CPS1: variants seen among roughly 807,000 people sequenced by gnomAD.
The protein encoded by CPS1 is carbamoyl-phosphate synthase [ammonia], mitochondrial.
In CPS1, 109 loss-of-function variants were observed where a neutral mutation model predicts 174.6. That is an observed-to-expected ratio of 0.62 (90% CI 0.53 to 0.73). The LOEUF is 0.73. CPS1 is among the 30% of genes least tolerant of loss of function. The pLI, the probability that CPS1 is intolerant of heterozygous loss-of-function variation, is 0.00. For missense variants in CPS1, 1,689 were observed against 1,821.9 expected (o/e 0.93, Z 1.33); for synonymous variants, 637 against 632.0 (o/e 1.01, Z -0.12).
intron 1 of CPS1, among the ~76,000 whole-genome samples, chr2:210,571,605 A>G (rs999791987): frequency 2.4e-4 from 37 of 152,102 alleles, no homozygotes; most frequent in African/African-American, 8.2e-4. Context: ...ACGTCGGAAT[A>G]TAGTATATTG....
chr2:210,551,828 C>T (rs780461461), upstream of CPS1, among the ~76,000 whole-genome samples: 2 of 151,858 alleles, frequency 1.3e-5, no homozygotes, highest in African/African-American at 2.4e-5. Flanking sequence ...TAGTTTGAAC[C>T]CTCATCATCT....
At chr2:210,482,378 C>T (rs985854341) in intron 1 of CPS1, among the ~76,000 whole-genome samples, 2 of 151,480 alleles carry the variant, frequency 1.3e-5, no homozygotes, top group African/African-American at 4.9e-5. Context: ...GCGATCTCGG[C>T]TCACTCAGCT....
At chr2:210,559,845 A>C (rs1697041477) in intron 1 of CPS1, among the ~76,000 whole-genome samples, 1 of 152,182 alleles carries the variant, frequency 6.6e-6, no homozygotes, top group African/African-American at 2.4e-5. Flanking sequence ...TGTGATTGTC[A>C]CACATGAACA....
intron 11 of CPS1, among the ~76,000 whole-genome samples, chr2:210,594,106 T>C (rs1698399536): frequency 6.6e-6 from 1 of 151,872 alleles, no homozygotes; most frequent in Non-Finnish European, 1.5e-5. Context: ...GAAACTGTTT[T>C]TTAGAGCCGA....
intron 34 of CPS1, 143 bp downstream of exon 34, chr2:210,668,427 T>G (rs1701178511): frequency 1.4e-6 from 1 of 715,900 alleles, no homozygotes; most frequent in South Asian, 1.5e-5. Context: ...GAAGGGACAT[T>G]TGTTCTCTAT....
At chr2:210,525,805 T>TGG (rs990548565) in intron 1 of CPS1, among the ~76,000 whole-genome samples, 8 of 102,504 alleles carry the variant, frequency 7.8e-5, no homozygotes, top group African/African-American at 2.8e-4. Context: ...CAAAGTAAAA[T>TGG]GGAGAGAGAG....
At chr2:210,524,036 A>G (rs893649050) in intron 1 of CPS1, among the ~76,000 whole-genome samples, 2 of 152,050 alleles carry the variant, frequency 1.3e-5, no homozygotes, top group African/African-American at 4.8e-5. Flanking sequence ...TATTAATAAA[A>G]CAGCATATGC....
At chr2:210,624,141 T>G (rs1699624575) in intron 21 of CPS1, among the ~76,000 whole-genome samples, 2 of 152,148 alleles carry the variant, frequency 1.3e-5, no homozygotes, top group South Asian at 4.1e-4. Context: ...TGGAGATGAT[T>G]GAACACTTTA....
intron 1 of CPS1, chr2:210,519,906 G>A: frequency 2.3e-6 from 1 of 442,776 alleles, no homozygotes; most frequent in Non-Finnish European, 3.0e-6. Context: ...GTGCTCAGAG[G>A]CAGCTGTGGT....
intron 36 of CPS1, among the ~76,000 whole-genome samples, chr2:210,676,409 T>C (rs961559449): frequency 6.6e-6 from 1 of 152,256 alleles, no homozygotes; most frequent in African/African-American, 2.4e-5. Flanking sequence ...AAGATCTATG[T>C]GGCATAAGTA....
intron 33 of CPS1, among the ~76,000 whole-genome samples, chr2:210,663,436 A>G (rs1198787422): frequency 6.6e-6 from 1 of 152,202 alleles, no homozygotes; most frequent in Non-Finnish European, 1.5e-5. Context: ...TTTTCACATG[A>G]GAACATCTTC....
At chr2:210,553,498 A>G (rs1696782958), upstream of CPS1, among the ~76,000 whole-genome samples, 2 of 151,830 alleles carry the variant, frequency 1.3e-5, no homozygotes. Flanking sequence ...AAAAAAATTC[A>G]TTTTATCAGA....
At position 210,600,635 on chromosome 2, in the gene CPS1, A is replaced by T. The variant is rs144230667; in HGVS notation, c.1630A>T (p.Thr544Ser). 432 of 1,612,368 alleles carry T rather than the reference A, an allele frequency of 2.7e-4. 1 individual carries two copies. In the African/African-American group the frequency reaches 5.0e-3, roughly 19 times the overall value. Residue 544 changes from threonine (T) to serine (S), a missense_variant, in exon 15 of 38, where the codon ACG becomes TCG. Coordinates refer to ENST00000233072, the MANE Select transcript of CPS1 (RefSeq NM_001875.5). ...LGTSVESIMA[T>S]EDRQLFSDKL... is the part of the protein sequence containing the mutation. ...AACTTCAGTTGAGTCCATTATGGCT[A>T]CGGAAGACAGGCAGCTGTTTTCAGA...
intron 21 of CPS1, chr2:210,617,595 G>A (rs1699354596): frequency 6.6e-6 from 1 of 151,844 alleles, no homozygotes; most frequent in Non-Finnish European, 1.5e-5. Flanking sequence ...TTTTCTTTTT[G>A]AGAAAAATTA....
intron 24 of CPS1, 42 bp from the exon 25 acceptor site, chr2:210,642,442 G>A (rs568207460): frequency 5.3e-5 from 85 of 1,610,072 alleles, no homozygotes; most frequent in South Asian, 2.9e-4. Flanking sequence ...TTGTAACTTC[G>A]TGCTTCTCTT....
upstream of CPS1, chr2:210,555,570 C>A: frequency 2.2e-6 from 1 of 451,458 alleles, no homozygotes; most frequent in Non-Finnish European, 4.5e-6. Flanking sequence ...ATCCTTACCC[C>A]AACTCTAGCA....
intron 21 of CPS1, among the ~76,000 whole-genome samples, chr2:210,623,598 A>T (rs1374203139): frequency 6.6e-6 from 1 of 152,122 alleles, no homozygotes; most frequent in East Asian, 1.9e-4. Context: ...AGTGGTGAAA[A>T]ATCATAGGCG....
intron 16 of CPS1, among the ~76,000 whole-genome samples, chr2:210,602,713 C>T (rs1698769995): frequency 6.6e-6 from 1 of 151,874 alleles, no homozygotes; most frequent in Non-Finnish European, 1.5e-5. Context: ...GACATAATGT[C>T]TCATTTTTAA....
chr2:210,522,552 C>T (rs1054996532), intron 1 of CPS1, among the ~76,000 whole-genome samples: 1 of 151,932 alleles, frequency 6.6e-6, no homozygotes, highest in Non-Finnish European at 1.5e-5. Context: ...TTATTCTGGA[C>T]TCATAGTTTC....
Sources: gnomAD v4.1 joint callset for allele counts (sites outside exome capture counted in the v4.1 genomes callset) on GRCh38, gnomAD v4.1.1 for gene constraint, MANE v1.5 for transcripts, NCBI Gene and HGNC (gene_info 2026-07-23, HGNC 2026-07-21) for gene names.